Variants in UVRAG observed in about 807,000 individuals in gnomAD.
The protein encoded by UVRAG is UV radiation resistance-associated gene protein.
A neutral mutation model predicts 78.0 loss-of-function variants in UVRAG; 19 were observed. The observed-to-expected ratio is 0.24, with a 90% CI of 0.17 to 0.36. The LOEUF (loss-of-function observed/expected upper bound fraction) is 0.36. Among genes scored for constraint, UVRAG ranks in the 10% least tolerant of loss-of-function variants. The probability of loss-of-function intolerance (pLI) is 1.00; values close to 1 mark genes in which losing one functional copy is unlikely to be tolerated. For synonymous variants in UVRAG, 323 were observed against 324.6 expected (o/e 1.00, Z 0.05); for missense variants, 740 against 853.8 (o/e 0.87, Z 1.66).
chr11:75,902,179 C>T (rs983302345), intron 5 of UVRAG, among the ~76,000 whole-genome samples: 1 of 152,176 alleles, frequency 6.6e-6, no homozygotes, highest in African/African-American at 2.4e-5. Context: ...TTGGAATACA[C>T]CACTTGGTTG....
rs7118569 is a variant in UVRAG, at chr11:75,815,437, C to A, written c.30C>A (p.Pro10=). 288 of 1,246,762 alleles carry A rather than the reference C, an allele frequency of 2.3e-4. No homozygotes were observed. The highest frequency in any genetic ancestry group is 2.0e-3 in the Admixed American group (47 of 23,800). The allele number at this position is 1,246,762 out of a possible 1,614,324, so 77.2% of individuals were successfully genotyped here. A position where few individuals can be genotyped will look rare whatever the true frequency, so the allele number is the denominator to read the frequency against. Residue 10 remains proline, a synonymous_variant, in exon 1 of 15, where the codon CCC becomes CCA. Coordinates refer to ENST00000356136, the MANE Select transcript of UVRAG (RefSeq NM_003369.4). ...GCGCCTCCGCGTCGGTCGGGGGCCC[C>A]GTCCCCCAGCCACCCCCGGGCCCGG... MSASASVGG[P]VPQPPPGPAA...
chr11:76,112,173 GAAAGTCCTA>G (rs1244740824), intron 13 of UVRAG, among the ~76,000 whole-genome samples: 3 of 152,076 alleles, frequency 2.0e-5, no homozygotes, highest in Admixed American at 1.3e-4. Flanking sequence ...GGTTAAAGAA[GAAAGTCCTA>G]AAAGCTTCCA....
intron 13 of UVRAG, among the ~76,000 whole-genome samples, chr11:76,098,427 C>T (rs1220565126): frequency 3.3e-5 from 5 of 152,136 alleles, no homozygotes; most frequent in East Asian, 1.9e-4. Context: ...GAGAGTAACT[C>T]GCAAACCTAG....
chr11:75,994,149 A>T (rs1279324991), intron 8 of UVRAG, among the ~76,000 whole-genome samples: 1 of 152,194 alleles, frequency 6.6e-6, no homozygotes, highest in Admixed American at 6.5e-5. Context: ...AAAACCCAAG[A>T]ATACTTCAGT....
At chr11:75,947,537 T>C (rs1028117035) in intron 6 of UVRAG, among the ~76,000 whole-genome samples, 3 of 152,140 alleles carry the variant, frequency 2.0e-5, no homozygotes, top group Non-Finnish European at 2.9e-5. Context: ...AGGGGAGGAA[T>C]ACTGAGCTTG....
At chr11:76,048,998 G>A (rs540373078) in intron 12 of UVRAG, among the ~76,000 whole-genome samples, 8 of 152,364 alleles carry the variant, frequency 5.3e-5, no homozygotes, top group South Asian at 2.1e-4. Flanking sequence ...GGGCGCAAGC[G>A]CACAGTATCA....
intron 13 of UVRAG, among the ~76,000 whole-genome samples, chr11:76,067,001 C>G (rs754639920): frequency 2.6e-5 from 4 of 152,126 alleles, no homozygotes; most frequent in Non-Finnish European, 5.9e-5. Flanking sequence ...GCTAAACATT[C>G]CCTTATTCAT....
intron 13 of UVRAG, among the ~76,000 whole-genome samples, chr11:76,088,064 G>A (rs1951623180): frequency 6.6e-6 from 1 of 152,138 alleles, no homozygotes; most frequent in Non-Finnish European, 1.5e-5. Context: ...ACCACACCTG[G>A]CTGATTTTTA....
At chr11:76,030,991 C>G (rs115783534) in intron 12 of UVRAG, among the ~76,000 whole-genome samples, 2,278 of 152,210 alleles carry the variant, frequency 0.015, 59 homozygotes, top group African/African-American at 0.052. Context: ...GTCAGACTTC[C>G]CTGACTTGCA....
At chr11:76,135,711 C>G (rs545201720) in intron 14 of UVRAG, among the ~76,000 whole-genome samples, 10 of 152,166 alleles carry the variant, frequency 6.6e-5, no homozygotes, top group African/African-American at 1.9e-4. Flanking sequence ...CAGCCACTTA[C>G]GGGAAATGGC....
intron 12 of UVRAG, among the ~76,000 whole-genome samples, chr11:76,041,200 T>G (rs1490255735): frequency 1.4e-5 from 2 of 145,030 alleles, no homozygotes; most frequent in East Asian, 3.8e-4. Context: ...TATTATGGTC[T>G]GATGGATTTA....
At chr11:76,007,826 G>A (rs1266951893) in intron 10 of UVRAG, among the ~76,000 whole-genome samples, 1 of 152,014 alleles carries the variant, frequency 6.6e-6, no homozygotes, top group Non-Finnish European at 1.5e-5. Flanking sequence ...CTTTGGTGGT[G>A]GGATGCACTC....
chr11:75,873,062 T>C (rs796530369), intron 3 of UVRAG, among the ~76,000 whole-genome samples: 3 of 152,322 alleles, frequency 2.0e-5, no homozygotes, highest in African/African-American at 7.2e-5. Context: ...CACTCACAGG[T>C]TCCTATGGGA....
At chr11:76,016,671 A>G (rs932587577) in intron 11 of UVRAG, 144 bp from the exon 12 acceptor site, 3 of 729,052 alleles carry the variant, frequency 4.1e-6, no homozygotes. Flanking sequence ...TTACATTTGC[A>G]TAAAATTTAT....
At chr11:76,048,377 C>T (rs1271844655) in intron 12 of UVRAG, among the ~76,000 whole-genome samples, 1 of 152,142 alleles carries the variant, frequency 6.6e-6, no homozygotes, top group Non-Finnish European at 1.5e-5. Context: ...AAATATGAGG[C>T]TATAAAATAA....
intron 5 of UVRAG, among the ~76,000 whole-genome samples, chr11:75,899,810 G>C (rs540584988): frequency 2.1e-4 from 32 of 152,208 alleles, no homozygotes; most frequent in African/African-American, 7.7e-4. Flanking sequence ...TTGTAGAGTG[G>C]GCATGCAATG....
At chr11:76,028,552 A>C (rs189426116) in intron 12 of UVRAG, among the ~76,000 whole-genome samples, 2 of 152,324 alleles carry the variant, frequency 1.3e-5, no homozygotes, top group East Asian at 3.9e-4. Flanking sequence ...GTGCTACTCC[A>C]GTGAACATAC....
At chr11:75,903,333 A>G (rs1947549412) in intron 5 of UVRAG, among the ~76,000 whole-genome samples, 1 of 152,210 alleles carries the variant, frequency 6.6e-6, no homozygotes, top group African/African-American at 2.4e-5. Flanking sequence ...CTTACTGCCC[A>G]TAGGTTGTCT....
intron 13 of UVRAG, among the ~76,000 whole-genome samples, chr11:76,072,888 C>A (rs1324441224): frequency 6.6e-6 from 1 of 152,090 alleles, no homozygotes; most frequent in East Asian, 1.9e-4. Flanking sequence ...CCTTGGGGAT[C>A]CCCAACACCC....
Sources: gnomAD v4.1 joint callset for allele counts (sites outside exome capture counted in the v4.1 genomes callset) on GRCh38, gnomAD v4.1.1 for gene constraint, MANE v1.5 for transcripts, NCBI Gene and HGNC (gene_info 2026-07-23, HGNC 2026-07-21) for gene names.